Variants in BTBD1 observed in about 807,000 individuals in gnomAD.
The protein encoded by BTBD1 is BTB/POZ domain-containing protein 1.
A neutral mutation model predicts 48.0 loss-of-function variants in BTBD1; 34 were observed. The ratio of observed to expected loss-of-function variants is 0.71; its 90% CI spans 0.54 to 0.94. The LOEUF is 0.94. BTBD1 is among the 40% of genes least tolerant of loss of function. The pLI is 0.00. For missense variants in BTBD1, 543 were observed against 625.6 expected (o/e 0.87, Z 1.41); for synonymous variants, 261 against 242.1 (o/e 1.08, Z -0.72).
At chr15:83,024,176 A>AT (rs1196251998) in intron 5 of BTBD1, 1 of 152,018 alleles carries the variant, frequency 6.6e-6, no homozygotes, top group African/African-American at 2.4e-5. Flanking sequence ...CAGCCTATTT[A>AT]TTTGATTATT....
intron 5 of BTBD1, among the ~76,000 whole-genome samples, chr15:83,023,730 T>C (rs145670059): frequency 1.3e-5 from 2 of 152,154 alleles, no homozygotes; most frequent in Non-Finnish European, 2.9e-5. Flanking sequence ...CATTGTCAAG[T>C]TGCTTTCTGG....
At chr15:83,035,663 CTAA>C (rs2032611861) in intron 4 of BTBD1, among the ~76,000 whole-genome samples, 1 of 151,090 alleles carries the variant, frequency 6.6e-6, no homozygotes, top group African/African-American at 2.4e-5. Flanking sequence ...GTCACAAAGA[CTAA>C]TAAAATAAAT....
chr15:83,049,034 T>C (rs976850205), intron 3 of BTBD1, among the ~76,000 whole-genome samples: 16 of 152,232 alleles, frequency 1.1e-4, no homozygotes, highest in African/African-American at 3.6e-4. Context: ...TTTCATACTA[T>C]GTCATTTATC....
chr15:83,041,695 T>G, intron 4 of BTBD1, 33 bp downstream of exon 4: 1 of 1,601,688 alleles, frequency 6.2e-7, no homozygotes, highest in Non-Finnish European at 8.6e-7. Flanking sequence ...TTAAAACAGT[T>G]TCAAATAGAT....
intron 6 of BTBD1, among the ~76,000 whole-genome samples, chr15:83,019,373 T>C (rs894229290): frequency 2.6e-5 from 4 of 151,510 alleles, no homozygotes; most frequent in Non-Finnish European, 5.9e-5. Context: ...ATTTTTTTTG[T>C]AGAGATGGGA....
intron 2 of BTBD1, among the ~76,000 whole-genome samples, chr15:83,055,609 T>G (rs1296984827): frequency 1.3e-5 from 2 of 152,194 alleles, no homozygotes; most frequent in African/African-American, 4.8e-5. Context: ...AACTTAAAAA[T>G]GTCAGAAAAA....
chr15:83,028,655 C>T (rs556626945), intron 5 of BTBD1: 12 of 152,274 alleles, frequency 7.9e-5, no homozygotes, highest in African/African-American at 2.9e-4. Flanking sequence ...TCTTTGATAA[C>T]TTTTAATTCC....
chr15:83,032,020 A>G (rs532971947), intron 4 of BTBD1, among the ~76,000 whole-genome samples: 22 of 152,322 alleles, frequency 1.4e-4, no homozygotes, highest in African/African-American at 4.8e-4. Context: ...CAGTATGGAG[A>G]TTCCTTAAAG....
chr15:83,054,335 T>C (rs2033045084), intron 2 of BTBD1, among the ~76,000 whole-genome samples: 1 of 151,090 alleles, frequency 6.6e-6, no homozygotes, highest in African/African-American at 2.4e-5. Context: ...AGAATCTGCC[T>C]CAAAAAAAAG....
intron 3 of BTBD1, among the ~76,000 whole-genome samples, chr15:83,046,011 G>A (rs943563880): frequency 6.6e-6 from 1 of 152,032 alleles, no homozygotes; most frequent in African/African-American, 2.4e-5. Context: ...TTCAAATCCC[G>A]GAGGAGAAAA....
intron 5 of BTBD1, among the ~76,000 whole-genome samples, chr15:83,021,924 A>T (rs1031175315): frequency 5.9e-5 from 9 of 152,278 alleles, no homozygotes; most frequent in South Asian, 4.1e-4. Context: ...CTAGTGTGCC[A>T]GGCACTGAAC....
chr15:83,053,439 A>C (rs1055515441), intron 2 of BTBD1, among the ~76,000 whole-genome samples: 2 of 152,144 alleles, frequency 1.3e-5, no homozygotes, highest in Non-Finnish European at 2.9e-5. Flanking sequence ...AATCCTTGCT[A>C]CCCAACATGT....
At chr15:83,046,629 C>A (rs74785003) in intron 3 of BTBD1, among the ~76,000 whole-genome samples, 1 of 148,822 alleles carries the variant, frequency 6.7e-6, no homozygotes, top group African/African-American at 2.5e-5. Context: ...TGAGAACACA[C>A]TGAAGAACAA....
At chr15:83,058,373 T>C (rs892387611) in intron 1 of BTBD1, among the ~76,000 whole-genome samples, 3 of 152,254 alleles carry the variant, frequency 2.0e-5, no homozygotes, top group African/African-American at 7.2e-5. Flanking sequence ...TAAAAATTTC[T>C]TAATAGTCAT....
At chr15:83,046,144 C>G (rs1301644269) in intron 3 of BTBD1, among the ~76,000 whole-genome samples, 2 of 151,980 alleles carry the variant, frequency 1.3e-5, no homozygotes, top group African/African-American at 2.4e-5. Context: ...ACCTGTAATC[C>G]CAGCACTTTG....
In BTBD1 at chr15:83,033,021, A is replaced by AATAACTG. The variant is rs2032554558; in HGVS notation, c.863-2700_863-2694dup. On this transcript the variant is annotated intron_variant, in intron 4 of 7. Transcript: ENST00000261721. ...GAATTGCATTCAAATGATAGATGGGAATAACTGTCAACCTTGAGCTTTCTA... is the reference window on the plus strand; with the variant it reads ...GAATTGCATTCAAATGATAGATGGGAATAACTGATAACTGTCAACCTTGAGCTTTCTA... 4.6e-5 allele frequency among the ~76,000 whole-genome samples: 7 copies of AATAACTG among 150,558 alleles called. 1 individual carries two copies. In the South Asian group the frequency reaches 1.5e-3, roughly 32 times the overall value.
In BTBD1 at chr15:83,050,430, T is replaced by TTGTGTGTGTGTGTG. The variant is rs71927319; in HGVS notation, c.559-266_559-253dup. ...TACCAATCCTGTTATTTTTATGTGCTTGTGTGTGTGTGTGTGTGTGTGTGT... is the reference window on the plus strand; with the variant it reads ...TACCAATCCTGTTATTTTTATGTGCTTGTGTGTGTGTGTGTGTGTGTGTGTGTGTGTGTGTGTGT... On this transcript the variant is annotated intron_variant, in intron 2 of 7. Transcript: ENST00000261721. Among the ~76,000 whole-genome samples, 656 of 146,238 alleles carry TTGTGTGTGTGTGTG rather than the reference T, an allele frequency of 4.5e-3. 4 individuals carry two copies. Among genetic ancestry groups the TTGTGTGTGTGTGTG allele is most frequent in the Non-Finnish European group, 6.4e-3 (422 of 66,212 alleles).
intron 5 of BTBD1, among the ~76,000 whole-genome samples, chr15:83,025,627 T>C (rs1169099868): frequency 6.6e-6 from 1 of 152,108 alleles, no homozygotes; most frequent in African/African-American, 2.4e-5. Context: ...TCAACATATA[T>C]AGTGATATAT....
At chr15:83,031,693 G>A (rs1459151438) in intron 4 of BTBD1, among the ~76,000 whole-genome samples, 3 of 151,998 alleles carry the variant, frequency 2.0e-5, no homozygotes. Context: ...CAAGTTAATG[G>A]GTGTAGCATA....
Sources: gnomAD v4.1 joint callset for allele counts (sites outside exome capture counted in the v4.1 genomes callset) on GRCh38, gnomAD v4.1.1 for gene constraint, MANE v1.5 for transcripts, NCBI Gene and HGNC (gene_info 2026-07-23, HGNC 2026-07-21) for gene names.